Variants in FRMPD1 observed in about 807,000 individuals in gnomAD.
FRMPD1 encodes the protein FERM and PDZ domain-containing protein 1.
FRMPD1 carries 76 observed loss-of-function variants against 117.8 expected under a neutral mutation model. That is an observed-to-expected ratio of 0.65 (90% CI 0.54 to 0.78). FRMPD1 has a LOEUF of 0.78. FRMPD1 is among the 30% of genes least tolerant of loss of function. The pLI is 0.00. For synonymous variants in FRMPD1, 783 were observed against 770.4 expected, an observed-to-expected ratio of 1.02 and a Z score of -0.27; for missense variants, 1,786 against 1,964.5, an observed-to-expected ratio of 0.91 and a Z score of 1.72.
At chr9:37,672,379 G>A (rs1821382170) in intron 1 of FRMPD1, among the ~76,000 whole-genome samples, 3 of 139,700 alleles carry the variant, frequency 2.1e-5, no homozygotes, top group East Asian at 4.8e-4. Flanking sequence ...AGAGGAAAGT[G>A]AAGAGGCTTG....
At chr9:37,714,875 T>C (rs1319985868) in intron 5 of FRMPD1, among the ~76,000 whole-genome samples, 1 of 152,142 alleles carries the variant, frequency 6.6e-6, no homozygotes, top group East Asian at 1.9e-4. Flanking sequence ...CTTGAACCCC[T>C]GACCTCAAGT....
the FRMPD1 span, among the ~76,000 whole-genome samples, chr9:37,640,943 C>T: frequency 3.3e-5 from 5 of 152,142 alleles, no homozygotes; most frequent in Admixed American, 1.3e-4. Context: ...TGCAATGGAG[C>T]GCAGTAAAAT....
At chr9:37,689,608 C>T (rs1822064092) in intron 1 of FRMPD1, among the ~76,000 whole-genome samples, 1 of 152,104 alleles carries the variant, frequency 6.6e-6, no homozygotes, top group Admixed American at 6.6e-5. Context: ...CTTATTTTGC[C>T]TCTTATCTAT....
the FRMPD1 span, among the ~76,000 whole-genome samples, chr9:37,605,932 C>T: frequency 4.6e-5 from 7 of 152,042 alleles, no homozygotes; most frequent in Non-Finnish European, 1.0e-4. Context: ...GTCTTGAAGT[C>T]CTGGGCTCAA....
At chr9:37,632,546 A>C in the FRMPD1 span, among the ~76,000 whole-genome samples, 1 of 152,172 alleles carries the variant, frequency 6.6e-6, no homozygotes, top group Non-Finnish European at 1.5e-5. Context: ...ATTCGCAGGC[A>C]GGCTCTCTCT....
intron 1 of FRMPD1, among the ~76,000 whole-genome samples, chr9:37,687,295 T>G (rs370971777): frequency 1.3e-4 from 20 of 152,238 alleles, no homozygotes; most frequent in African/African-American, 4.8e-4. Context: ...GTCTTCCACA[T>G]GGTGGCCCTT....
At chr9:37,649,195 C>CT (rs1820594629), upstream of FRMPD1, among the ~76,000 whole-genome samples, 1 of 152,058 alleles carries the variant, frequency 6.6e-6, no homozygotes, top group African/African-American at 2.4e-5. Flanking sequence ...GTTTAACTGC[C>CT]TTGGAGAGAG....
intron 1 of FRMPD1, among the ~76,000 whole-genome samples, chr9:37,673,821 C>T (rs962488593): frequency 6.6e-6 from 1 of 152,282 alleles, no homozygotes; most frequent in African/African-American, 2.4e-5. Context: ...CCCCTTTCAG[C>T]CATGGCTGGA....
chr9:37,637,770 T>G, the FRMPD1 span, among the ~76,000 whole-genome samples: 1 of 152,142 alleles, frequency 6.6e-6, no homozygotes, highest in Non-Finnish European at 1.5e-5. Flanking sequence ...TCAGAATGAT[T>G]GTGAGGGTAA....
the FRMPD1 span, among the ~76,000 whole-genome samples, chr9:37,623,309 A>T: frequency 6.6e-6 from 1 of 152,238 alleles, no homozygotes; most frequent in Non-Finnish European, 1.5e-5. Context: ...AAGAGGATGG[A>T]CAAAGATAAC....
chr9:37,681,601 A>G (rs556972255), intron 1 of FRMPD1, among the ~76,000 whole-genome samples: 17 of 152,372 alleles, frequency 1.1e-4, no homozygotes, highest in African/African-American at 3.6e-4. Context: ...AATGATTGAC[A>G]TTGGAAATGT....
chr9:37,682,818 A>C (rs770943847), intron 1 of FRMPD1, among the ~76,000 whole-genome samples: 1 of 152,242 alleles, frequency 6.6e-6, no homozygotes, highest in African/African-American at 2.4e-5. Context: ...CTGTCAAGGA[A>C]AGGAGGACAG....
At chr9:37,647,888 T>C (rs1052133843), upstream of FRMPD1, among the ~76,000 whole-genome samples, 1 of 152,252 alleles carries the variant, frequency 6.6e-6, no homozygotes, top group Non-Finnish European at 1.5e-5. Context: ...TAATAGCTTA[T>C]GTAAAGTATT....
chr9:37,655,366 C>G (rs1820808551), intron 1 of FRMPD1, among the ~76,000 whole-genome samples: 1 of 152,132 alleles, frequency 6.6e-6, no homozygotes, highest in Non-Finnish European at 1.5e-5. Context: ...TCTCATCATG[C>G]TCCTCCTTAG....
chr9:37,680,876 A>G (rs1821705233), intron 1 of FRMPD1, among the ~76,000 whole-genome samples: 1 of 152,166 alleles, frequency 6.6e-6, no homozygotes. Context: ...GAGGAGGAAG[A>G]AGAATGATAT....
chr9:37,732,554 C>G, intron 10 of FRMPD1, 114 bp downstream of exon 10: 1 of 1,045,302 alleles, frequency 9.6e-7, no homozygotes, highest in Non-Finnish European at 1.3e-6. Flanking sequence ...TGTCTGTTGT[C>G]TTTCCATCCA....
intron 1 of FRMPD1, among the ~76,000 whole-genome samples, chr9:37,689,774 T>C (rs1034413168): frequency 2.6e-5 from 4 of 152,216 alleles, no homozygotes; most frequent in South Asian, 2.1e-4. Flanking sequence ...TGATTGGTAG[T>C]TTGATAGGGT....
chr9:37,631,665 A>G, the FRMPD1 span, among the ~76,000 whole-genome samples: 940 of 152,302 alleles, frequency 6.2e-3, 11 homozygotes, highest in African/African-American at 0.022. Context: ...GTGCAGTGGC[A>G]TGATCATAGC....
intron 1 of FRMPD1, among the ~76,000 whole-genome samples, chr9:37,677,924 G>T (rs1490793127): frequency 1.3e-5 from 2 of 152,166 alleles, no homozygotes; most frequent in Non-Finnish European, 2.9e-5. Flanking sequence ...TGAGAATTGT[G>T]CCTGCTTATC....
Sources: gnomAD v4.1 joint callset for allele counts (sites outside exome capture counted in the v4.1 genomes callset) on GRCh38, gnomAD v4.1.1 for gene constraint, MANE v1.5 for transcripts, NCBI Gene and HGNC (gene_info 2026-07-23, HGNC 2026-07-21) for gene names.